Variants in IKZF1 observed in about 807,000 individuals in gnomAD.
IKZF1 encodes the protein IKAROS family zinc finger 1.
A neutral mutation model predicts 51.7 loss-of-function variants in IKZF1; 10 were observed. That is an observed-to-expected ratio of 0.19 (90% CI 0.12 to 0.33). IKZF1 has a LOEUF of 0.33. Ranked by LOEUF, IKZF1 falls within the 10% of genes least tolerant of loss-of-function variation. IKZF1 has a pLI of 1.00. For missense variants in IKZF1, 484 were observed against 707.5 expected, an observed-to-expected ratio of 0.68 and a Z score of 3.58; for synonymous variants, 280 against 282.3, an observed-to-expected ratio of 0.99 and a Z score of 0.08.
chr7:50,335,180 A>C lies in IKZF1; in HGVS notation c.160+7423A>C, dbSNP rs1797363434. On this transcript the variant is annotated intron_variant, in intron 3 of 7. Coordinates refer to ENST00000331340, the MANE Select transcript of IKZF1 (RefSeq NM_006060.6). The stretch of plus-strand genomic sequence containing the variant: ...GTATGGGATATATGATGTGTATGGG[A>C]TGTGTGGTGTGTGGTGTGGATATGT... Among the ~76,000 whole-genome samples the C allele has an allele frequency of 3.5e-5, 5 of 144,884 alleles. No individual in the cohort carries two copies. The South Asian group carries it at 8.8e-4, about 26-fold the overall frequency.
At chr7:50,385,934 TG>T (rs1813258794) in intron 5 of IKZF1, among the ~76,000 whole-genome samples, 1 of 152,366 alleles carries the variant, frequency 6.6e-6, no homozygotes, top group Admixed American at 6.5e-5. Flanking sequence ...GCTTTCATGT[TG>T]GTCTTCTTAC....
chr7:50,376,993 C>A lies in IKZF1; in HGVS notation c.421+200C>A. 1.2e-6 allele frequency: 1 copy of A among 812,266 alleles called. No homozygotes were observed. The allele number at this position is 812,266 out of a possible 1,614,324, so 50.3% of individuals were successfully genotyped here. On this transcript the variant is annotated intron_variant, in intron 4 of 7. Coordinates refer to ENST00000331340, the MANE Select transcript of IKZF1 (RefSeq NM_006060.6). This position sits in a 1 kb window ranked among gnomAD's most constrained non-coding sequence, Gnocchi z 4.5. ...CAGCCTTGTAAAGGACTTCTCAACA[C>A]GTACCAATTCCACCCTATAAATAAA...
At chr7:50,368,697 T>C (rs1807746988) in intron 3 of IKZF1, 1 of 274,188 alleles carries the variant, frequency 3.6e-6, no homozygotes, top group African/African-American at 2.2e-5. Flanking sequence ...ATGATAAATA[T>C]ATTTGGGTAA....
intron 3 of IKZF1, among the ~76,000 whole-genome samples, chr7:50,352,913 A>G (rs752933002): frequency 2.0e-5 from 3 of 152,248 alleles, no homozygotes; most frequent in African/African-American, 4.8e-5. Context: ...AAGACTTTCT[A>G]TGAATTACAC....
intron 3 of IKZF1, among the ~76,000 whole-genome samples, chr7:50,359,964 CA>C (rs1449633487): frequency 6.6e-6 from 1 of 152,208 alleles, no homozygotes; most frequent in African/African-American, 2.4e-5. Context: ...GATTTCTCAG[CA>C]GAGTATTACA....
At position 50,400,283 on chromosome 7, in the gene IKZF1, G is replaced by A; in HGVS notation, c.1216G>A (p.Glu406Lys). 1 of 1,612,818 alleles carries A rather than the reference G, an allele frequency of 6.2e-7. No homozygotes were observed. The highest frequency in any genetic ancestry group is 8.5e-7 in the Non-Finnish European group (1 of 1,179,666). Residue 406 changes from glutamate (E) to lysine (K), a missense_variant, in exon 8 of 8, where the codon GAG becomes AAG. Around this residue, in one of 6 missense-constraint regions of IKZF1, gnomAD observed 27 missense variants for 56.8 expected, o/e 0.48. Coordinates refer to ENST00000331340, the MANE Select transcript of IKZF1 (RefSeq NM_006060.6). The surrounding 1 kb of genome is among the most constrained non-coding windows in gnomAD (Gnocchi z 5.4). ...CACGGACACCGAGAGCAACAACGAG[G>A]AGCAGCGCAGCGGTCTCATCTACCT... ...DSTDTESNNE[E>K]QRSGLIYLTN...
intron 3 of IKZF1, among the ~76,000 whole-genome samples, chr7:50,352,404 G>A (rs777234684): frequency 6.6e-6 from 1 of 152,166 alleles, no homozygotes; most frequent in South Asian, 2.1e-4. Context: ...TGTAAGTGCC[G>A]AGAGAGTGTA....
chr7:50,317,612 C>T lies in IKZF1; in HGVS notation c.-14-1436C>T, dbSNP rs1791925498. Among the ~76,000 whole-genome samples, 3 of 152,134 alleles carry T rather than the reference C, an allele frequency of 2.0e-5. No homozygotes were observed. In the South Asian group the frequency reaches 6.2e-4, roughly 31 times the overall value. ...GTGGCCACTAGCTGTACTCCTAAGC[C>T]ACACACCTACCTTGAAAATTCATGT... On this transcript the variant is annotated intron_variant, in intron 1 of 7. Coordinates refer to ENST00000331340, the MANE Select transcript of IKZF1 (RefSeq NM_006060.6).
At chr7:50,337,646 G>A (rs1221365353) in intron 3 of IKZF1, among the ~76,000 whole-genome samples, 1 of 152,232 alleles carries the variant, frequency 6.6e-6, no homozygotes. Flanking sequence ...GAATGAATGG[G>A]AATGTGGCAC....
At chr7:50,346,233 G>A (rs1259570769) in intron 3 of IKZF1, among the ~76,000 whole-genome samples, 1 of 152,172 alleles carries the variant, frequency 6.6e-6, no homozygotes, top group Non-Finnish European at 1.5e-5. Flanking sequence ...GAAGGCTGTC[G>A]AGAGATCATC....
intron 7 of IKZF1, among the ~76,000 whole-genome samples, chr7:50,399,671 T>G (rs1817620346): frequency 6.6e-6 from 1 of 152,228 alleles, no homozygotes; most frequent in Non-Finnish European, 1.5e-5. Flanking sequence ...GTGCTTATAA[T>G]GGGTAGGTCC....
chr7:50,330,926 G>A (rs1046919365), intron 3 of IKZF1, among the ~76,000 whole-genome samples: 2 of 152,118 alleles, frequency 1.3e-5, no homozygotes, highest in Non-Finnish European at 2.9e-5. Context: ...ACCTCAGAAG[G>A]GACAGGTCCA....
chr7:50,336,444 C>T lies in IKZF1; in HGVS notation c.160+8687C>T, dbSNP rs1797802201. 2.0e-5 allele frequency among the ~76,000 whole-genome samples: 3 copies of T among 152,112 alleles called. No individual in the cohort carries two copies. The South Asian group carries it at 6.2e-4, about 32-fold the overall frequency. On this transcript the variant is annotated intron_variant, in intron 3 of 7. Transcript: ENST00000331340. ...CAGGCTCAGAGGCACAGGAGGCCCG[C>T]ACTCGCTCTGAGGCTGAGGAATAAA...
At chr7:50,377,535 A>T (rs181140037) in intron 4 of IKZF1, among the ~76,000 whole-genome samples, 1 of 152,336 alleles carries the variant, frequency 6.6e-6, no homozygotes, top group Non-Finnish European at 1.5e-5. Flanking sequence ...CCCCCTCACC[A>T]GAGGCGTGGG....
At chr7:50,327,990 TGAG>T in intron 3 of IKZF1, 3 of 494,590 alleles carry the variant, frequency 6.1e-6, no homozygotes, top group South Asian at 5.6e-5. Context: ...ATGTCCAAGT[TGAG>T]GAGCAATCCT....
At chr7:50,387,239 G>A (rs1813637458) in intron 5 of IKZF1, 106 bp from the exon 6 acceptor site, 1 of 1,387,320 alleles carries the variant, frequency 7.2e-7, no homozygotes, top group Non-Finnish European at 9.5e-7. Flanking sequence ...CTCAAGGGTA[G>A]AATTTTTTTT....
At chr7:50,396,409 G>A (rs762248718) in intron 7 of IKZF1, among the ~76,000 whole-genome samples, 17 of 152,132 alleles carry the variant, frequency 1.1e-4, no homozygotes, top group East Asian at 5.8e-4. Flanking sequence ...CCTGAGACCC[G>A]AAATCTCTTT....
chr7:50,322,616 C>A (rs931388680), intron 2 of IKZF1, among the ~76,000 whole-genome samples: 1 of 152,186 alleles, frequency 6.6e-6, no homozygotes, highest in Non-Finnish European at 1.5e-5. Flanking sequence ...CTCACTAATT[C>A]TTTGGGTAAA....
At position 50,329,826 on chromosome 7, in the gene IKZF1, G is replaced by A. The variant is rs148484733; in HGVS notation, c.160+2069G>A. Among the ~76,000 whole-genome samples the A allele has an allele frequency of 1.8e-3, 281 of 152,320 alleles. 3 individuals carry two copies. Among genetic ancestry groups the A allele is most frequent in the Middle Eastern group, 0.014 (4 of 294 alleles). ...CAGAGTGAGGAGGCCAGCTCGGGTC[G>A]CTGTGGAGAAAGAGATGGGCTCTCC... is the stretch of plus-strand genomic sequence containing the variant. On this transcript the variant is annotated intron_variant, in intron 3 of 7. Transcript: ENST00000331340.
Sources: gnomAD v4.1 joint callset for allele counts (sites outside exome capture counted in the v4.1 genomes callset) on GRCh38, gnomAD v4.1.1 for gene constraint, gnomAD v4.1.1 regional missense constraint, Gnocchi (gnomAD v3.1) non-coding constraint, MANE v1.5 for transcripts, NCBI Gene and HGNC (gene_info 2026-07-23, HGNC 2026-07-21) for gene names.